Variants in CACNA1A observed in about 807,000 individuals in gnomAD.
The protein encoded by CACNA1A is voltage-dependent P/Q-type calcium channel subunit alpha-1A.
In CACNA1A, 57 loss-of-function variants were observed where a neutral mutation model predicts 262.4. The observed-to-expected ratio is 0.22, with a 90% confidence interval of 0.18 to 0.27. CACNA1A has a LOEUF of 0.27. Among genes scored for constraint, CACNA1A ranks in the 10% least tolerant of loss-of-function variants. The probability of loss-of-function intolerance (pLI) is 1.00; values close to 1 mark genes in which losing one functional copy is unlikely to be tolerated. For synonymous variants in CACNA1A, 1,431 were observed against 1,419.3 expected, an observed-to-expected ratio of 1.01 and a Z score of -0.18; for missense variants, 2,526 against 3,562.8, an observed-to-expected ratio of 0.71 and a Z score of 7.41.
At chr19:13,321,197 A>G (rs1045359281) in intron 10 of CACNA1A, among the ~76,000 whole-genome samples, 12 of 151,698 alleles carry the variant, frequency 7.9e-5, no homozygotes, top group African/African-American at 2.9e-4. Context: ...CCACGTCCGA[A>G]TAATTTTTGT....
chr19:13,367,873 C>T (rs2059245334), intron 4 of CACNA1A, among the ~76,000 whole-genome samples: 1 of 152,116 alleles, frequency 6.6e-6, no homozygotes, highest in Non-Finnish European at 1.5e-5. Context: ...AGCTCAGCCT[C>T]CAGTAGCCTC....
chr19:13,419,773 G>T (rs2060285512), intron 3 of CACNA1A, among the ~76,000 whole-genome samples: 1 of 151,902 alleles, frequency 6.6e-6, no homozygotes, highest in East Asian at 1.9e-4. Context: ...TGTGGGACAA[G>T]TAAGAATGCT....
intron 28 of CACNA1A, among the ~76,000 whole-genome samples, chr19:13,255,839 A>C (rs1600183057): frequency 1.1e-4 from 12 of 107,644 alleles, no homozygotes; most frequent in East Asian, 2.8e-4. Context: ...CATTCCTTCC[A>C]CCCTTTCCCC....
At chr19:13,461,093 A>G (rs1488888272) in intron 1 of CACNA1A, among the ~76,000 whole-genome samples, 2 of 152,230 alleles carry the variant, frequency 1.3e-5, no homozygotes, top group East Asian at 3.9e-4. Flanking sequence ...TAATCCCAGC[A>G]CTTTGGGAGG....
At chr19:13,304,237 A>C (rs1445001988) in intron 15 of CACNA1A, among the ~76,000 whole-genome samples, 1 of 152,012 alleles carries the variant, frequency 6.6e-6, no homozygotes, top group East Asian at 1.9e-4. Context: ...TGAAGCCCTA[A>C]CCTATGATGG....
intron 28 of CACNA1A, among the ~76,000 whole-genome samples, chr19:13,255,613 C>T (rs1003372006): frequency 1.3e-5 from 2 of 152,070 alleles, no homozygotes; most frequent in African/African-American, 4.8e-5. Flanking sequence ...GACACAGCTA[C>T]CGAGTGTGCC....
At chr19:13,365,693 G>A (rs1440809022) in intron 4 of CACNA1A, 2 of 452,838 alleles carry the variant, frequency 4.4e-6, no homozygotes, top group Non-Finnish European at 7.9e-6. Context: ...TTTGAGACAG[G>A]GTTTTGCACT....
Position 13,241,450 on chromosome 19 carries a change from A to G in CACNA1A, c.4950+3732T>C. 1 of 1,069,158 alleles carries G rather than the reference A, an allele frequency of 9.4e-7. No homozygotes were observed. The highest frequency in any genetic ancestry group is 1.4e-6 in the Non-Finnish European group (1 of 719,910). 66.2% of individuals were successfully genotyped at this position (1,069,158 alleles called of 1,614,324 possible). On this transcript the variant is annotated intron_variant, in intron 31 of 46. Coordinates refer to ENST00000360228, the MANE Select transcript of CACNA1A (RefSeq NM_001127222.2). This position sits in a 1 kb window ranked among gnomAD's most constrained non-coding sequence, Gnocchi z 4.0. ...GTTGGAGAGGCAGGGTGTGGCATGCAATGCCGACGCGAGGAGATGCGTTCA... is the reference window on the plus strand; with the variant it reads ...GTTGGAGAGGCAGGGTGTGGCATGCGATGCCGACGCGAGGAGATGCGTTCA...
intron 3 of CACNA1A, among the ~76,000 whole-genome samples, chr19:13,415,584 C>CT (rs2060205372): frequency 6.6e-6 from 1 of 151,082 alleles, no homozygotes; most frequent in Non-Finnish European, 1.5e-5. Context: ...CTACTGAAAA[C>CT]ACAAAAATTA....
chr19:13,285,233 C>T, intron 20 of CACNA1A, 27 bp from the exon 21 acceptor site: 1 of 1,612,746 alleles, frequency 6.2e-7, no homozygotes, highest in Non-Finnish European at 8.5e-7. Flanking sequence ...CAACACAGGG[C>T]TCCCTCCACA....
intron 1 of CACNA1A, among the ~76,000 whole-genome samples, chr19:13,473,753 C>G (rs977749410): frequency 1.6e-4 from 10 of 63,904 alleles, no homozygotes; most frequent in Non-Finnish European, 3.5e-4. Flanking sequence ...AGGCTCCCCC[C>G]CACCCCCCTG....
rs1251664686 is a variant in CACNA1A at position 13,436,542 on chromosome 19, T to C, written c.539+16334A>G. 1.1e-4 allele frequency among the ~76,000 whole-genome samples: 16 copies of C among 150,728 alleles called. 1 individual carries two copies. The highest frequency in any genetic ancestry group is 3.2e-4 in the African/African-American group (13 of 40,004). ...ATTCATTCATTCACTCACTCATTCA[T>C]TCACTCATTCATTCATCCACTCACT... is the stretch of plus-strand genomic sequence containing the variant. On this transcript the variant is annotated intron_variant, in intron 3 of 46. Coordinates refer to ENST00000360228, the MANE Select transcript of CACNA1A (RefSeq NM_001127222.2).
At chr19:13,285,022 G>A in intron 21 of CACNA1A, 46 bp downstream of exon 21, 1 of 1,610,452 alleles carries the variant, frequency 6.2e-7, no homozygotes, top group Middle Eastern at 1.7e-4. Context: ...CGCCACCCTG[G>A]TGGGAGCCCC....
Position 13,502,069 on chromosome 19 carries a change from C to T in CACNA1A, c.293+3863G>A, listed in dbSNP as rs966396000. 2.6e-5 allele frequency among the ~76,000 whole-genome samples: 4 copies of T among 151,392 alleles called. 1 individual carries two copies. The South Asian group carries it at 6.2e-4, about 24-fold the overall frequency. ...GGCAGTACCTTCTAGAACATTCTAT[C>T]TCTCAGGACAGGCCAAGAGTCTGAT... On this transcript the variant is annotated intron_variant, in intron 1 of 46. Coordinates refer to ENST00000360228, the MANE Select transcript of CACNA1A (RefSeq NM_001127222.2).
rs752601128 is a variant in CACNA1A at position 13,212,077 on chromosome 19, C to T, written c.6303+26G>A. The T allele has an allele frequency of 1.3e-6, 2 of 1,537,476 alleles. No individual in the cohort carries two copies. Among genetic ancestry groups the T allele is most frequent in the Non-Finnish European group, 1.8e-6 (2 of 1,114,246 alleles). On this transcript the variant is annotated intron_variant, in intron 43 of 46. Transcript: ENST00000360228. This position sits in a 1 kb window ranked among gnomAD's most constrained non-coding sequence, Gnocchi z 5.6. ...CCCAGTGCAGAGTGAGGGGTCCAGC[C>T]CCAGGGCAGTGGTGAAAGCCCTCAC... is the stretch of plus-strand genomic sequence containing the variant.
chr19:13,402,873 C>CACATATATATATATAT (rs1201892162), intron 3 of CACNA1A, among the ~76,000 whole-genome samples: 1 of 72,824 alleles, frequency 1.4e-5, no homozygotes, highest in Non-Finnish European at 2.8e-5. Flanking sequence ...CACACACACA[C>CACATATATATATATAT]ATATATATAT....
intron 38 of CACNA1A, among the ~76,000 whole-genome samples, chr19:13,216,891 TC>T (rs2055032882): frequency 6.6e-6 from 1 of 152,138 alleles, no homozygotes; most frequent in African/African-American, 2.4e-5. Context: ...GGTAGTTGGC[TC>T]TGCCCTCAAT....
intron 3 of CACNA1A, among the ~76,000 whole-genome samples, chr19:13,400,022 C>T (rs1599369948): frequency 1.3e-5 from 2 of 152,264 alleles, no homozygotes; most frequent in South Asian, 4.2e-4. Context: ...AATACCTACG[C>T]AGTGTTGCAA....
At chr19:13,336,522 T>G (rs966712096) in intron 6 of CACNA1A, among the ~76,000 whole-genome samples, 1 of 139,546 alleles carries the variant, frequency 7.2e-6, no homozygotes, top group Non-Finnish European at 1.5e-5. Flanking sequence ...AAGAAGGAAG[T>G]AAGATGAGGG....
Sources: gnomAD v4.1 joint callset for allele counts (sites outside exome capture counted in the v4.1 genomes callset) on GRCh38, gnomAD v4.1.1 for gene constraint, Gnocchi (gnomAD v3.1) non-coding constraint, MANE v1.5 for transcripts, NCBI Gene and HGNC (gene_info 2026-07-23, HGNC 2026-07-21) for gene names.